The following PRELID2 variants were observed in gnomAD, a reference collection of about 807,000 sequenced individuals.
The protein encoded by PRELID2 is PRELI domain-containing protein 2.
Under a neutral mutation model 28.4 loss-of-function variants are expected in PRELID2, and 25 were observed. The observed-to-expected ratio is 0.88, with a 90% CI of 0.64 to 1.23. PRELID2 has a LOEUF of 1.23. Ranked by LOEUF, PRELID2 falls within the 50% of genes most tolerant of loss-of-function variation. PRELID2 has a pLI of 0.00. For missense variants in PRELID2, 201 were observed against 214.4 expected, an observed-to-expected ratio of 0.94 and a Z score of 0.39; for synonymous variants, 76 against 71.6, an observed-to-expected ratio of 1.06 and a Z score of -0.31.
chr5:145,278,121 T>C, the PRELID2 span, among the ~76,000 whole-genome samples: 2 of 152,164 alleles, frequency 1.3e-5, no homozygotes, highest in Admixed American at 1.3e-4. Flanking sequence ...ATGCTCAAAC[T>C]GAACTCATCT....
the PRELID2 span, among the ~76,000 whole-genome samples, chr5:145,293,759 A>G: frequency 2.2e-3 from 336 of 152,320 alleles, 2 homozygotes; most frequent in African/African-American, 7.8e-3. Context: ...TAGTCCTACA[A>G]GCATAATAGT....
chr5:145,462,494 A>G, the PRELID2 span, among the ~76,000 whole-genome samples: 7 of 152,236 alleles, frequency 4.6e-5, no homozygotes, highest in Non-Finnish European at 1.0e-4. Context: ...CAAAAATTGC[A>G]TGAATTCAGA....
downstream of PRELID2, among the ~76,000 whole-genome samples, chr5:145,467,590 T>A (rs1290167509): frequency 6.6e-6 from 1 of 152,140 alleles, no homozygotes; most frequent in Non-Finnish European, 1.5e-5. Context: ...GTACTTTACA[T>A]ACATTTTATC....
At chr5:145,473,841 G>T (rs1580950324) in intron 1 of PRELID2, among the ~76,000 whole-genome samples, 1 of 152,048 alleles carries the variant, frequency 6.6e-6, no homozygotes, top group Non-Finnish European at 1.5e-5. Context: ...ATCACCCCTT[G>T]GGATGGCTTC....
the PRELID2 span, among the ~76,000 whole-genome samples, chr5:145,231,876 G>A: frequency 1.3e-5 from 2 of 152,040 alleles, no homozygotes; most frequent in Non-Finnish European, 2.9e-5. Context: ...AGCAATGGAG[G>A]AGACATCAGC....
At chr5:145,362,885 T>C in the PRELID2 span, among the ~76,000 whole-genome samples, 1 of 152,026 alleles carries the variant, frequency 6.6e-6, no homozygotes, top group African/African-American at 2.4e-5. Context: ...AACCCATATA[T>C]ATGGTAGATA....
At chr5:145,251,108 A>G in the PRELID2 span, among the ~76,000 whole-genome samples, 8 of 152,252 alleles carry the variant, frequency 5.3e-5, no homozygotes, top group Admixed American at 3.3e-4. Flanking sequence ...ACATCTAGAT[A>G]AAAGAGGAAG....
At chr5:145,587,903 T>A (rs571337612) in intron 1 of PRELID2, among the ~76,000 whole-genome samples, 1 of 152,186 alleles carries the variant, frequency 6.6e-6, no homozygotes, top group African/African-American at 2.4e-5. Flanking sequence ...TGAAGTATGA[T>A]AGCAAATGAG....
At chr5:145,437,564 A>T in the PRELID2 span, among the ~76,000 whole-genome samples, 3 of 152,106 alleles carry the variant, frequency 2.0e-5, no homozygotes, top group Non-Finnish European at 4.4e-5. Context: ...AGTCCCCACT[A>T]CAATAGAAGA....
chr5:145,781,076 C>T (rs1233201555), intron 5 of PRELID2, among the ~76,000 whole-genome samples: 3 of 152,216 alleles, frequency 2.0e-5, no homozygotes, highest in East Asian at 1.9e-4. Flanking sequence ...TCCTCCCCAC[C>T]GCCTTCCTGG....
the PRELID2 span, among the ~76,000 whole-genome samples, chr5:145,411,399 G>A: frequency 6.6e-6 from 1 of 152,134 alleles, no homozygotes; most frequent in East Asian, 1.9e-4. Context: ...GATGAGATTT[G>A]GGTGGGGACA....
chr5:145,296,163 G>GT, the PRELID2 span, among the ~76,000 whole-genome samples: 8 of 151,010 alleles, frequency 5.3e-5, no homozygotes, highest in South Asian at 8.4e-4. Flanking sequence ...ATTGTAGCAG[G>GT]TTTTTTTTGG....
At chr5:145,730,931 C>T (rs1216885460) in intron 1 of PRELID2, among the ~76,000 whole-genome samples, 1 of 152,166 alleles carries the variant, frequency 6.6e-6, no homozygotes, top group Admixed American at 6.5e-5. Flanking sequence ...ATTCCAACCC[C>T]ACCATAAAAC....
At chr5:145,745,797 G>A (rs932391234) in intron 1 of PRELID2, among the ~76,000 whole-genome samples, 33 of 151,968 alleles carry the variant, frequency 2.2e-4, no homozygotes, top group African/African-American at 7.5e-4. Flanking sequence ...CAGGAGGCAA[G>A]GTTCCAGTGA....
intron 1 of PRELID2, among the ~76,000 whole-genome samples, chr5:145,512,294 C>T (rs1752468533): frequency 1.3e-5 from 2 of 152,106 alleles, no homozygotes; most frequent in South Asian, 4.2e-4. Flanking sequence ...GGGTGCAGCC[C>T]CCAGAGTGAG....
At chr5:145,401,110 C>A in the PRELID2 span, among the ~76,000 whole-genome samples, 1 of 152,072 alleles carries the variant, frequency 6.6e-6, no homozygotes, top group Non-Finnish European at 1.5e-5. Context: ...TTGTCACGTG[C>A]TTGAAGGGAT....
At chr5:145,441,591 ACT>A in the PRELID2 span, among the ~76,000 whole-genome samples, 13 of 152,244 alleles carry the variant, frequency 8.5e-5, no homozygotes, top group East Asian at 1.9e-4. Flanking sequence ...AAAAAAATAA[ACT>A]CTGGCTAATT....
chr5:145,426,423 T>A, the PRELID2 span, among the ~76,000 whole-genome samples: 1 of 152,162 alleles, frequency 6.6e-6, no homozygotes, highest in Non-Finnish European at 1.5e-5. Context: ...CTGACATGAA[T>A]CAAATGTCTA....
chr5:145,294,042 C>T, the PRELID2 span, among the ~76,000 whole-genome samples: 1 of 152,128 alleles, frequency 6.6e-6, no homozygotes, highest in Non-Finnish European at 1.5e-5. Context: ...AATTAAACTC[C>T]TCTCTCTACT....
Sources: gnomAD v4.1 joint callset for allele counts (sites outside exome capture counted in the v4.1 genomes callset) on GRCh38, gnomAD v4.1.1 for gene constraint, MANE v1.5 for transcripts, NCBI Gene and HGNC (gene_info 2026-07-23, HGNC 2026-07-21) for gene names.